The following LMO7 variants were observed in gnomAD, a reference collection of about 807,000 sequenced individuals.
The protein encoded by LMO7 is LIM domain 7.
LMO7 carries 120 observed loss-of-function variants against 206.5 expected under a neutral mutation model. The observed-to-expected ratio is 0.58, with a 90% CI of 0.50 to 0.68. The LOEUF (loss-of-function observed/expected upper bound fraction) is 0.68, where lower values mean the gene tolerates loss of function less well. Among genes scored for constraint, LMO7 ranks in the 30% least tolerant of loss-of-function variants. The pLI is 0.00. For missense variants in LMO7, 1,959 were observed against 1,957.9 expected (o/e 1.00, Z -0.01); for synonymous variants, 706 against 681.5 (o/e 1.04, Z -0.56).
chr13:75,675,429 C>G (rs1363572360), intron 1 of LMO7, among the ~76,000 whole-genome samples: 1 of 152,108 alleles, frequency 6.6e-6, no homozygotes, highest in Non-Finnish European at 1.5e-5. Context: ...CTTTTGTAAA[C>G]AAAGTTTAAG....
chr13:75,775,073 T>C (rs1272522567), intron 4 of LMO7, among the ~76,000 whole-genome samples: 26 of 152,150 alleles, frequency 1.7e-4, no homozygotes, highest in Non-Finnish European at 1.5e-5. Flanking sequence ...ACCTCTTCAG[T>C]AGACTTAAAA....
At chr13:75,831,050 C>A (rs1335412372) in intron 15 of LMO7, among the ~76,000 whole-genome samples, 1 of 151,720 alleles carries the variant, frequency 6.6e-6, no homozygotes, top group Non-Finnish European at 1.5e-5. Flanking sequence ...TGAGTCATCT[C>A]TAACTTAAGT....
chr13:75,804,152 A>G (rs2055138599), intron 7 of LMO7, 137 bp from the exon 8 acceptor site: 1 of 899,076 alleles, frequency 1.1e-6, no homozygotes, highest in Non-Finnish European at 1.7e-6. Flanking sequence ...CTTCGTGACA[A>G]ATTTCTAAAA....
intron 3 of LMO7, among the ~76,000 whole-genome samples, chr13:75,737,814 A>AAATAAAT (rs2046044456): frequency 7.7e-6 from 1 of 130,166 alleles, no homozygotes; most frequent in Non-Finnish European, 1.6e-5. Flanking sequence ...TTTTACTTTG[A>AAATAAAT]AATAAATATA....
At chr13:75,653,612 C>T (rs2037781941) in intron 1 of LMO7, among the ~76,000 whole-genome samples, 1 of 152,198 alleles carries the variant, frequency 6.6e-6, no homozygotes, top group African/African-American at 2.4e-5. Context: ...AGATCTGAGA[C>T]AGTGACTTGG....
chr13:75,853,319 C>T lies in LMO7; in HGVS notation c.4592C>T (p.Thr1531Ile). The T allele has an allele frequency of 6.2e-7, 1 of 1,614,032 alleles. No individual in the cohort carries two copies. The highest frequency in any genetic ancestry group is 8.5e-7 in the Non-Finnish European group (1 of 1,179,950). ...SVKTSTTGVA[T>I]TQSPTPRSHS... Reference sequence around the variant, plus strand: ...AAGACCTCCACCACAGGTGTGGCCACCACACAGTCCCCCACCCCGAGAAGC... The same window carrying T: ...AAGACCTCCACCACAGGTGTGGCCATCACACAGTCCCCCACCCCGAGAAGC... Residue 1531 changes from threonine (T) to isoleucine (I), a missense_variant, in exon 28 of 31, where the codon ACC (threonine) becomes ATC (isoleucine). By Grantham distance (89) the Thr-to-Ile change is moderately conservative (BLOSUM62 -1). Transcript: ENST00000377534.
chr13:75,656,737 T>A (rs930305842), intron 1 of LMO7, among the ~76,000 whole-genome samples: 1 of 152,134 alleles, frequency 6.6e-6, no homozygotes, highest in Non-Finnish European at 1.5e-5. Context: ...ATCAATTCAG[T>A]TGGCTATGTA....
chr13:75,685,235 C>T (rs1363722991), intron 1 of LMO7, among the ~76,000 whole-genome samples: 7 of 152,172 alleles, frequency 4.6e-5, no homozygotes, highest in Non-Finnish European at 1.0e-4. Flanking sequence ...ACTCAGTAAA[C>T]ATCCTGTAAG....
intron 4 of LMO7, among the ~76,000 whole-genome samples, chr13:75,789,874 T>G (rs1322796581): frequency 6.6e-6 from 1 of 152,128 alleles, no homozygotes. Context: ...CCAAACCCGA[T>G]CATAAATGAA....
Position 75,858,110 on chromosome 13 carries a change from C to G in LMO7, c.*167C>G. ...TAGAAGCATTGTAGTCTTGGTAGAA[C>G]CAGTATTTTTGTTGTTTATTTATAA... On this transcript the variant is annotated 3_prime_UTR_variant, in exon 31 of 31. Coordinates refer to ENST00000377534, the MANE Select transcript of LMO7 (RefSeq NM_001306080.2). The G allele has an allele frequency of 1.7e-6, 1 of 605,706 alleles. No homozygotes were observed. Among genetic ancestry groups the G allele is most frequent in the South Asian group, 2.9e-5 (1 of 34,888 alleles). The allele number at this position is 605,706 out of a possible 1,614,324, so 37.5% of individuals were successfully genotyped here.
At chr13:75,788,452 CA>C (rs10638523) in intron 4 of LMO7, among the ~76,000 whole-genome samples, 2,143 of 59,950 alleles carry the variant, frequency 0.036, 14 homozygotes, top group South Asian at 0.082. Flanking sequence ...AACTCTGCCT[CA>C]AAAAAAAAAA....
intron 4 of LMO7, among the ~76,000 whole-genome samples, chr13:75,793,080 A>G (rs2053529602): frequency 6.6e-6 from 1 of 152,000 alleles, no homozygotes; most frequent in African/African-American, 2.4e-5. Flanking sequence ...AAGTGGGAGG[A>G]TGTTCAGCCC....
intron 1 of LMO7, among the ~76,000 whole-genome samples, chr13:75,700,412 T>C (rs776181292): frequency 8.5e-5 from 13 of 152,244 alleles, no homozygotes; most frequent in Non-Finnish European, 1.6e-4. Flanking sequence ...AACTAATAAA[T>C]GTACATGAAA....
chr13:75,661,271 G>A (rs914493475), intron 1 of LMO7, among the ~76,000 whole-genome samples: 7 of 152,152 alleles, frequency 4.6e-5, no homozygotes, highest in African/African-American at 1.7e-4. Context: ...AAGGAAAGTT[G>A]AGATGTATTA....
At chr13:75,830,169 C>A (rs2058521984) in intron 15 of LMO7, among the ~76,000 whole-genome samples, 1 of 152,160 alleles carries the variant, frequency 6.6e-6, no homozygotes, top group Admixed American at 6.5e-5. Context: ...TTCCTGAAAT[C>A]ATTGATGAAC....
In LMO7 at chr13:75,636,461, G is replaced by T. The variant is rs546750242; in HGVS notation, c.-197G>T. On this transcript the variant is annotated 5_prime_UTR_variant, in exon 1 of 31. Transcript: ENST00000377534. ...AGTTTAGAGAAAGCCAGGTCTTCAC[G>T]TTCGTGTAGGTTCGAGACCTTAACG... The T allele has an allele frequency of 2.1e-6, 3 of 1,422,204 alleles. No individual in the cohort carries two copies. Among genetic ancestry groups the T allele is most frequent in the South Asian group, 3.0e-5 (2 of 67,534 alleles). 88.1% of individuals were successfully genotyped at this position (1,422,204 alleles called of 1,614,324 possible).
At chr13:75,817,406 C>CA (rs2057129060) in intron 12 of LMO7, 128 bp downstream of exon 12, 4 of 535,752 alleles carry the variant, frequency 7.5e-6, no homozygotes, top group Non-Finnish European at 1.3e-5. Flanking sequence ...AAAATGTGAC[C>CA]AACTTTCTTT....
At position 75,732,030 on chromosome 13, in the gene LMO7, C is replaced by T. The variant is rs560517615; in HGVS notation, c.210+4932C>T. 2.0e-5 allele frequency among the ~76,000 whole-genome samples: 3 copies of T among 152,062 alleles called. No individual in the cohort carries two copies. The East Asian group carries it at 5.8e-4, about 29-fold the overall frequency. Reference sequence around the variant, plus strand: ...GATGGGTTTCCCTTTGTGGGTAACCCGTCCTTTCTCTCTGGCTGCCCTTAA... The same window carrying T: ...GATGGGTTTCCCTTTGTGGGTAACCTGTCCTTTCTCTCTGGCTGCCCTTAA... On this transcript the variant is annotated intron_variant, in intron 3 of 30. Transcript: ENST00000377534.
At chr13:75,823,522 A>G (rs1280658764) in intron 14 of LMO7, 43 bp from the exon 15 acceptor site, 1 of 1,397,076 alleles carries the variant, frequency 7.2e-7, no homozygotes, top group Admixed American at 2.1e-5. Context: ...ACAGAAATAA[A>G]GGTAACAGAA....
Sources: allele counts gnomAD v4.1 joint callset (sites outside exome capture counted in the v4.1 genomes callset), GRCh38; gene constraint gnomAD v4.1.1; transcripts MANE v1.5; gene names NCBI Gene and HGNC (gene_info 2026-07-23, HGNC 2026-07-21).